The following SELP variants were observed in gnomAD, a reference collection of about 807,000 sequenced individuals.
SELP encodes the protein selectin P.
In SELP, 92 loss-of-function variants were observed where a neutral mutation model predicts 104.1. That is an observed-to-expected ratio of 0.88 (90% CI 0.75 to 1.05). SELP has a LOEUF of 1.05. SELP is among the 50% of genes least tolerant of loss of function. SELP has a pLI of 0.00. For missense variants in SELP, 1,022 were observed against 1,017.3 expected, an observed-to-expected ratio of 1.00 and a Z score of -0.06; for synonymous variants, 397 against 364.5, an observed-to-expected ratio of 1.09 and a Z score of -1.01.
rs753906440 is a variant in SELP at position 169,595,970 on chromosome 1, A to T, written c.2056T>A (p.Cys686Ser). The T allele has an allele frequency of 2.5e-6, 4 of 1,613,886 alleles. No homozygotes were observed. Among genetic ancestry groups the T allele is most frequent in the Non-Finnish European group, 1.7e-6 (2 of 1,179,830 alleles). ...FTLIGDSTLS[C>S]RPSGQWTAVT... ...GCTGTCCATTGTCCTGAAGGTCTGC[A>T]GCTGAGAGTGCTGTCTCCTATGAGT... The change falls in exon 12 of 17, where the codon TGC becomes AGC. Residue 686 changes from cysteine (C) to serine (S), a missense_variant. By Grantham distance (112) the Cys-to-Ser change is moderately radical. Transcript: ENST00000263686.
In SELP at chr1:169,609,703, G is replaced by C. The variant is rs771153286; in HGVS notation, c.1148-14C>G. 43 of 1,601,498 alleles carry C rather than the reference G, an allele frequency of 2.7e-5. No individual in the cohort carries two copies. The highest frequency in any genetic ancestry group is 3.7e-5 in the Non-Finnish European group (43 of 1,173,634). On this transcript the variant is annotated splice_polypyrimidine_tract_variant and intron_variant, in intron 7 of 16. Coordinates refer to ENST00000263686, the MANE Select transcript of SELP (RefSeq NM_003005.4). ...CACACGAAATAGCTAAGTGGAAAAG[G>C]TATCTTCTAAAGCCAGGTAATGGAA... is the stretch of plus-strand genomic sequence containing the variant.
rs2101919066 is a variant in SELP at position 169,619,193 on chromosome 1, G to A, written c.30C>T (p.Tyr10=). 5 of 1,613,996 alleles carry A rather than the reference G, an allele frequency of 3.1e-6. No individual in the cohort carries two copies. In the East Asian group the frequency reaches 8.9e-5, roughly 29 times the overall value. Residue 10 remains tyrosine (Y), a synonymous_variant, in exon 2 of 17, where the codon TAC becomes TAT. Coordinates refer to ENST00000263686, the MANE Select transcript of SELP (RefSeq NM_003005.4). MANCQIAIL[Y]QRFQRVVFGI... The stretch of plus-strand genomic sequence containing the variant: ...CAAAGACCACTCTCTGGAATCTCTG[G>A]TACAAGATGGCTATTTGGCAGTTGG...
chr1:169,616,859 T>A (rs544809640), intron 3 of SELP, among the ~76,000 whole-genome samples, 169 bp downstream of exon 3: 1 of 152,156 alleles, frequency 6.6e-6, no homozygotes, highest in Non-Finnish European at 1.5e-5. Flanking sequence ...CTAATTCTGA[T>A]CTTATATTCT....
In SELP at chr1:169,595,013, A is replaced by G. The variant is rs1374464442; in HGVS notation, c.2102-136T>C. On this transcript the variant is annotated intron_variant, in intron 12 of 16. Coordinates refer to ENST00000263686, the MANE Select transcript of SELP (RefSeq NM_003005.4). ...TCAGAAAGGATATGAGCCACTTCCAATATTCACAGTAGCTCTTCTAACAGC... is the reference window on the plus strand; with the variant it reads ...TCAGAAAGGATATGAGCCACTTCCAGTATTCACAGTAGCTCTTCTAACAGC... 19 of 677,196 alleles carry G rather than the reference A, an allele frequency of 2.8e-5. No individual in the cohort carries two copies. The African/African-American group carries it at 3.3e-4, about 12-fold the overall frequency. The allele number at this position is 677,196 out of a possible 1,614,324, so 41.9% of individuals were successfully genotyped here. A position where few individuals can be genotyped will look rare whatever the true frequency, so the allele number is the denominator to read the frequency against.
intron 10 of SELP, among the ~76,000 whole-genome samples, chr1:169,601,350 TCTC>T (rs1661902184): frequency 6.6e-6 from 1 of 152,298 alleles, no homozygotes; most frequent in Non-Finnish European, 1.5e-5. Context: ...GGTCCACTCT[TCTC>T]CTTTTGGAAT....
chr1:169,604,693 A>C (rs1455538310), intron 9 of SELP, among the ~76,000 whole-genome samples: 1 of 152,124 alleles, frequency 6.6e-6, no homozygotes, highest in Non-Finnish European at 1.5e-5. Flanking sequence ...GTATTTCTGT[A>C]GTAAGTGTGT....
In SELP at chr1:169,611,504, G is replaced by T; in HGVS notation, c.1135C>A (p.Pro379Thr). 1 of 1,613,832 alleles carries T rather than the reference G, an allele frequency of 6.2e-7. No homozygotes were observed. Among genetic ancestry groups the T allele is most frequent in the Non-Finnish European group, 8.5e-7 (1 of 1,179,878 alleles). The stretch of plus-strand genomic sequence containing the variant: ...TGAAAAATCCTACCCTCACAGGTTG[G>T]CAAGGGTGCAGACCAGTGTCCAGAG... ...IDSGHWSAPL[P>T]TCEAISCEPL... Residue 379 changes from proline to threonine, a missense_variant, in exon 7 of 17, where the codon CCA becomes ACA. Pro to Thr is a conservative substitution (Grantham distance 38). Coordinates refer to ENST00000263686, the MANE Select transcript of SELP (RefSeq NM_003005.4).
chr1:169,612,410 C>T lies in SELP; in HGVS notation c.776-8G>A. 6.2e-7 allele frequency: 1 copy of T among 1,613,826 alleles called. No homozygotes were observed. The highest frequency in any genetic ancestry group is 1.1e-5 in the South Asian group (1 of 91,054). On this transcript the variant is annotated splice_region_variant and splice_polypyrimidine_tract_variant and intron_variant, in intron 5 of 16. Transcript: ENST00000263686. ...GGGGTGGGCACTGGGCAGCTAAAAC[C>T]AACCACAGAATAATAGTGTGAGTCC...
Position 169,609,681 on chromosome 1 carries a change from A to T in SELP, c.1156T>A (p.Cys386Ser). The T allele has an allele frequency of 6.2e-7, 1 of 1,610,458 alleles. No individual in the cohort carries two copies. The change falls in exon 8 of 17, where the codon TGT becomes AGT. Residue 386 changes from cysteine to serine, a missense_variant. Cys to Ser is a moderately radical substitution (Grantham distance 112). Transcript: ENST00000263686. ...TGGACAGGACTCTCCAGCGGCTCAC[A>T]CGAAATAGCTAAGTGGAAAAGGTAT... Reference protein sequence around the residue: ...APLPTCEAISCEPLESPVHGS... With the variant: ...APLPTCEAISSEPLESPVHGS...
At chr1:169,598,871 C>T (rs1661758405) in intron 10 of SELP, among the ~76,000 whole-genome samples, 1 of 151,996 alleles carries the variant, frequency 6.6e-6, no homozygotes, top group Non-Finnish European at 1.5e-5. Context: ...AAAGGTATGC[C>T]TACCTGGTTT....
chr1:169,602,982 A>C (rs1310883092), intron 10 of SELP, 44 bp downstream of exon 10: 1 of 1,501,182 alleles, frequency 6.7e-7, no homozygotes, highest in Non-Finnish European at 9.1e-7. Flanking sequence ...CCATTCTCTG[A>C]TGTCATCTTT....
chr1:169,604,458 A>C (rs1432884787), intron 9 of SELP, among the ~76,000 whole-genome samples: 5 of 152,260 alleles, frequency 3.3e-5, no homozygotes, highest in African/African-American at 9.6e-5. Flanking sequence ...TAGTTTAATT[A>C]GATCCCATTT....
chr1:169,618,815 A>G (rs1662949862), intron 2 of SELP, among the ~76,000 whole-genome samples: 1 of 152,232 alleles, frequency 6.6e-6, no homozygotes, highest in South Asian at 2.1e-4. Context: ...ACTATATATT[A>G]AAACATTTTC....
chr1:169,604,883 T>C (rs1662106675), intron 9 of SELP, among the ~76,000 whole-genome samples: 1 of 152,146 alleles, frequency 6.6e-6, no homozygotes, highest in South Asian at 2.1e-4. Flanking sequence ...GGAAATTGTC[T>C]GATAACACTC....
At chr1:169,592,558 T>C (rs1012196325) in intron 14 of SELP, among the ~76,000 whole-genome samples, 4 of 152,164 alleles carry the variant, frequency 2.6e-5, no homozygotes, top group Non-Finnish European at 5.9e-5. Context: ...TATGAACTTA[T>C]AGGCAGGCTA....
chr1:169,616,043 G>C (rs1283973195), intron 3 of SELP, among the ~76,000 whole-genome samples: 1 of 152,128 alleles, frequency 6.6e-6, no homozygotes, highest in Non-Finnish European at 1.5e-5. Context: ...AGCAACATCA[G>C]AAAGAAGGAA....
intron 1 of SELP, among the ~76,000 whole-genome samples, chr1:169,620,914 T>C (rs537419824): frequency 1.9e-4 from 27 of 139,350 alleles, no homozygotes; most frequent in Non-Finnish European, 3.7e-4. Flanking sequence ...GCCCCAGTGA[T>C]GGATGATGTA....
chr1:169,601,433 C>T (rs1325708640), intron 10 of SELP, among the ~76,000 whole-genome samples: 1 of 152,166 alleles, frequency 6.6e-6, no homozygotes, highest in East Asian at 1.9e-4. Flanking sequence ...GAGAGCAATA[C>T]AAGTCTTTGG....
intron 11 of SELP, 110 bp downstream of exon 11, chr1:169,596,881 A>T: frequency 1.1e-6 from 1 of 941,668 alleles, no homozygotes; most frequent in Non-Finnish European, 1.5e-6. Context: ...AAACCCAAAT[A>T]ATGGTAATAT....
Sources: gnomAD v4.1 joint callset for allele counts (sites outside exome capture counted in the v4.1 genomes callset) on GRCh38, gnomAD v4.1.1 for gene constraint, MANE v1.5 for transcripts, NCBI Gene and HGNC (gene_info 2026-07-23, HGNC 2026-07-21) for gene names.